Variants in MAP4 observed in about 807,000 individuals in gnomAD.
MAP4 encodes microtubule-associated protein 4.
A neutral mutation model predicts 170.2 loss-of-function variants in MAP4; 76 were observed. The ratio of observed to expected loss-of-function variants is 0.45; its 90% confidence interval spans 0.37 to 0.54. The LOEUF (loss-of-function observed/expected upper bound fraction) is 0.54. Ranked by LOEUF, MAP4 falls within the 20% of genes least tolerant of loss-of-function variation. The probability of loss-of-function intolerance (pLI) is 0.00; values close to 1 mark genes in which losing one functional copy is unlikely to be tolerated. For synonymous variants in MAP4, 909 were observed against 994.5 expected (o/e 0.91, Z 1.62); for missense variants, 2,506 against 2,748.0 (o/e 0.91, Z 1.97).
intron 4 of MAP4, among the ~76,000 whole-genome samples, chr3:47,927,521 G>A (rs1351355109): frequency 5.3e-5 from 8 of 152,108 alleles, no homozygotes; most frequent in African/African-American, 1.9e-4. Context: ...TGTTGCCCAG[G>A]CTGGGGTGCA....
chr3:47,997,033 T>C (rs1269676039), intron 2 of MAP4, among the ~76,000 whole-genome samples: 1 of 151,490 alleles, frequency 6.6e-6, no homozygotes, highest in Non-Finnish European at 1.5e-5. Flanking sequence ...GATCAGGGAA[T>C]TGGAAGATAG....
intron 1 of MAP4, among the ~76,000 whole-genome samples, chr3:48,008,499 G>A (rs2100103618): frequency 6.6e-6 from 1 of 152,234 alleles, no homozygotes; most frequent in Non-Finnish European, 1.5e-5. Context: ...GGCCAGATGT[G>A]TGATTATATA....
intron 1 of MAP4, among the ~76,000 whole-genome samples, chr3:48,058,912 T>C (rs1422630438): frequency 6.6e-6 from 1 of 152,118 alleles, no homozygotes; most frequent in Non-Finnish European, 1.5e-5. Context: ...TCCGAGTAGC[T>C]GAGATTACAG....
chr3:47,981,013 T>A (rs1249918176), intron 2 of MAP4, among the ~76,000 whole-genome samples: 1 of 152,238 alleles, frequency 6.6e-6, no homozygotes, highest in Non-Finnish European at 1.5e-5. Context: ...AACCTTTTTA[T>A]GAGACAATTT....
chr3:48,069,627 A>G (rs2100140009), intron 1 of MAP4, among the ~76,000 whole-genome samples: 1 of 152,230 alleles, frequency 6.6e-6, no homozygotes, highest in African/African-American at 2.4e-5. Context: ...AGCAAGTCTC[A>G]GCTATACTGA....
intron 1 of MAP4, among the ~76,000 whole-genome samples, chr3:48,088,134 G>A (rs1308523311): frequency 6.6e-6 from 1 of 152,114 alleles, no homozygotes; most frequent in Admixed American, 6.6e-5. Flanking sequence ...TCTGTTCTGG[G>A]TAATGTTTCC....
At chr3:48,046,218 C>T (rs1282125853) in intron 1 of MAP4, among the ~76,000 whole-genome samples, 1 of 151,962 alleles carries the variant, frequency 6.6e-6, no homozygotes, top group Non-Finnish European at 1.5e-5. Flanking sequence ...TTCTCTCTAT[C>T]GGTTATCGAT....
Position 47,916,230 on chromosome 3 carries a change from T to G in MAP4, c.1597A>C (p.Asn533His), listed in dbSNP as rs1368464150. 2 of 1,614,142 alleles carry G rather than the reference T, an allele frequency of 1.2e-6. No homozygotes were observed. ...TCCATTTCTGGAGGCAGACATACGTTCTTGATGAGAACTACTTCTGTTTCT... is the reference window on the plus strand; with the variant it reads ...TCCATTTCTGGAGGCAGACATACGTGCTTGATGAGAACTACTTCTGTTTCT... ...PPETEVVLIK[N>H]VCLPPEMEVA... The change falls in exon 7 of 21, where the codon AAC (asparagine) becomes CAC (histidine). Residue 533 changes from asparagine (N) to histidine (H), a missense_variant. By Grantham distance (68) the Asn-to-His change is moderately conservative. Coordinates refer to ENST00000683076, the MANE Select transcript of MAP4 (RefSeq NM_001385682.1).
intron 1 of MAP4, among the ~76,000 whole-genome samples, chr3:48,073,457 C>T (rs561078454): frequency 2.6e-5 from 4 of 151,420 alleles, no homozygotes; most frequent in African/African-American, 9.7e-5. Context: ...ACTAAAAATA[C>T]AAAATTAGCC....
At chr3:47,924,575 C>G (rs555648128) in intron 4 of MAP4, among the ~76,000 whole-genome samples, 4 of 152,258 alleles carry the variant, frequency 2.6e-5, no homozygotes, top group African/African-American at 9.6e-5. Flanking sequence ...TCAAAATGTG[C>G]CCCAGAACCT....
chr3:48,039,535 T>C (rs546083579), intron 1 of MAP4: 4 of 152,594 alleles, frequency 2.6e-5, no homozygotes, highest in East Asian at 1.9e-4. Flanking sequence ...TAAACACATA[T>C]GGATGCCAAA....
intron 18 of MAP4, 144 bp downstream of exon 18, chr3:47,857,287 A>T: frequency 1.5e-6 from 1 of 668,050 alleles, no homozygotes; most frequent in Non-Finnish European, 2.7e-6. Flanking sequence ...CCCTGACAGA[A>T]TGAGGACTGT....
At chr3:47,998,925 G>A in intron 1 of MAP4, 46 bp from the exon 2 acceptor site, 1 of 1,041,364 alleles carries the variant, frequency 9.6e-7, no homozygotes, top group Non-Finnish European at 1.5e-6. Context: ...CACTGCAAAA[G>A]GAAAAACATT....
At chr3:47,959,580 C>T in intron 3 of MAP4, among the ~76,000 whole-genome samples, 1 of 151,766 alleles carries the variant, frequency 6.6e-6, no homozygotes, top group East Asian at 2.0e-4. Flanking sequence ...CACGGTGAAA[C>T]CCCGTCTCTA....
chr3:48,050,434 A>G (rs1185135390), intron 1 of MAP4, among the ~76,000 whole-genome samples: 3 of 152,070 alleles, frequency 2.0e-5, no homozygotes, highest in African/African-American at 4.8e-5. Flanking sequence ...CAAACTCTTC[A>G]TAGAAATCCA....
intron 2 of MAP4, among the ~76,000 whole-genome samples, chr3:47,983,695 T>C (rs2100086822): frequency 6.6e-6 from 1 of 152,102 alleles, no homozygotes; most frequent in Admixed American, 6.6e-5. Context: ...GACAATTCTA[T>C]TTGTATAAAG....
intron 17 of MAP4, among the ~76,000 whole-genome samples, chr3:47,858,586 GGTGTGTGTGTGTGTGT>G (rs59208724): frequency 2.1e-5 from 3 of 145,180 alleles, no homozygotes; most frequent in Admixed American, 1.4e-4. Context: ...GTGAGGGGGT[GGTGTGTGTGTGTGTGT>G]GTGTGTGTGT....
intron 2 of MAP4, among the ~76,000 whole-genome samples, chr3:47,992,822 T>C (rs1394662688): frequency 6.6e-6 from 1 of 151,102 alleles, no homozygotes; most frequent in Non-Finnish European, 1.5e-5. Context: ...GAGAATCTCT[T>C]GAACACAGGA....
At chr3:47,895,434 T>A (rs1452471778) in intron 10 of MAP4, among the ~76,000 whole-genome samples, 1 of 152,240 alleles carries the variant, frequency 6.6e-6, no homozygotes, top group Non-Finnish European at 1.5e-5. Context: ...AAAGTATGAC[T>A]TCAACCTGGG....
Sources: gnomAD v4.1 joint callset for allele counts (sites outside exome capture counted in the v4.1 genomes callset) on GRCh38, gnomAD v4.1.1 for gene constraint, MANE v1.5 for transcripts, NCBI Gene and HGNC (gene_info 2026-07-23, HGNC 2026-07-21) for gene names.